LCP1: variants seen among roughly 807,000 people sequenced by gnomAD.
LCP1 encodes plastin-2.
Under a neutral mutation model 72.0 loss-of-function variants are expected in LCP1, and 23 were observed. That is an observed-to-expected ratio of 0.32 (90% confidence interval 0.23 to 0.45). The LOEUF (loss-of-function observed/expected upper bound fraction) is 0.45. LCP1 is among the 20% of genes least tolerant of loss of function. The pLI is 1.00. For synonymous variants in LCP1, 245 were observed against 275.4 expected (o/e 0.89, Z 1.09); for missense variants, 571 against 748.3 (o/e 0.76, Z 2.76).
At chr13:46,150,252 C>T (rs2045755834) in intron 8 of LCP1, among the ~76,000 whole-genome samples, 1 of 152,236 alleles carries the variant, frequency 6.6e-6, no homozygotes, top group African/African-American at 2.4e-5. Context: ...GGACCGCTTT[C>T]CATTCCTTTC....
intron 1 of LCP1, among the ~76,000 whole-genome samples, chr13:46,165,186 C>G (rs2045869365): frequency 6.6e-6 from 1 of 151,922 alleles, no homozygotes; most frequent in South Asian, 2.1e-4. Flanking sequence ...CCAGCCTGGG[C>G]AACATGGTGA....
chr13:46,160,875 TA>T (rs911686995), intron 1 of LCP1, among the ~76,000 whole-genome samples: 18 of 151,822 alleles, frequency 1.2e-4, no homozygotes, highest in Admixed American at 3.3e-4. Context: ...GTTATCGATT[TA>T]AAAAAAAATT....
At chr13:46,159,155 C>T in intron 2 of LCP1, 166 bp from the exon 3 acceptor site, 1 of 633,986 alleles carries the variant, frequency 1.6e-6, no homozygotes, top group Non-Finnish European at 2.8e-6. Flanking sequence ...ACTGTTGCTA[C>T]TGAATAGGGG....
At chr13:46,159,735 T>A in intron 1 of LCP1, 49 bp from the exon 2 acceptor site, 1 of 1,084,298 alleles carries the variant, frequency 9.2e-7, no homozygotes, top group Non-Finnish European at 1.4e-6. Context: ...TTTGAATTCT[T>A]AAAATACCAC....
intron 13 of LCP1, among the ~76,000 whole-genome samples, chr13:46,139,173 A>G (rs17067732): frequency 0.085 from 12,970 of 152,184 alleles, 1,106 homozygotes; most frequent in African/African-American, 0.22. Flanking sequence ...GGAGTTTTCA[A>G]TGATGTTCTG....
chr13:46,128,266 T>C (rs6561296), intron 15 of LCP1, among the ~76,000 whole-genome samples: 24,091 of 152,164 alleles, frequency 0.16, 2,306 homozygotes, highest in Non-Finnish European at 0.21. Context: ...TCAACTACAG[T>C]AACATTTTGA....
chr13:46,167,391 C>T (rs1382811721), intron 1 of LCP1, among the ~76,000 whole-genome samples: 7 of 152,132 alleles, frequency 4.6e-5, no homozygotes, highest in Non-Finnish European at 8.8e-5. Context: ...TCCCTTAGTA[C>T]ATTCCTGATA....
intron 10 of LCP1, 93 bp downstream of exon 10, chr13:46,146,815 T>C (rs1291755991): frequency 3.3e-6 from 4 of 1,229,788 alleles, no homozygotes; most frequent in African/African-American, 1.5e-5. Context: ...CACATGTAAA[T>C]AGTTTATATT....
intron 15 of LCP1, among the ~76,000 whole-genome samples, chr13:46,128,811 T>C (rs7325497): frequency 0.36 from 55,195 of 151,892 alleles, 10,930 homozygotes; most frequent in East Asian, 0.54. Flanking sequence ...TTAATTGTAA[T>C]TTATTTTCAA....
At chr13:46,143,738 A>G (rs1336894043) in intron 11 of LCP1, among the ~76,000 whole-genome samples, 15 of 152,254 alleles carry the variant, frequency 9.9e-5, no homozygotes, top group Non-Finnish European at 1.5e-5. Flanking sequence ...CCCTGTACCT[A>G]AAGGTTTACA....
Position 46,144,498 on chromosome 13 carries a change from T to C in LCP1, c.1197A>G (p.Thr399=). ...CCAGGGAGTTCATCCAGTTCCTAAA[T>C]GTCCGCTCTTCTCTCGTCTCACCTA... ...ALEGETREER[T]FRNWMNSLGV... Residue 399 remains threonine (T), a synonymous_variant, in exon 11 of 16, where the codon ACA becomes ACG. Coordinates refer to ENST00000323076, the MANE Select transcript of LCP1 (RefSeq NM_002298.5). 6.2e-7 allele frequency: 1 copy of C among 1,613,820 alleles called. No individual in the cohort carries two copies. The highest frequency in any genetic ancestry group is 8.5e-7 in the Non-Finnish European group (1 of 1,179,678).
At chr13:46,146,778 C>T in intron 10 of LCP1, 130 bp downstream of exon 10, 1 of 878,820 alleles carries the variant, frequency 1.1e-6, no homozygotes, top group Non-Finnish European at 1.9e-6. Flanking sequence ...CTCTTTGTTG[C>T]ATACCAGAGA....
At chr13:46,137,472 G>A (rs1417263686) in intron 13 of LCP1, among the ~76,000 whole-genome samples, 1 of 152,120 alleles carries the variant, frequency 6.6e-6, no homozygotes, top group African/African-American at 2.4e-5. Flanking sequence ...CCTGGCGGGT[G>A]GAGGTTGTGG....
intron 11 of LCP1, among the ~76,000 whole-genome samples, chr13:46,143,633 C>A (rs937013767): frequency 5.3e-5 from 8 of 152,170 alleles, no homozygotes; most frequent in Non-Finnish European, 8.8e-5. Context: ...ACATATGCTG[C>A]CTCAGGAAAA....
intron 10 of LCP1, among the ~76,000 whole-genome samples, chr13:46,145,188 A>G (rs1343638136): frequency 6.6e-6 from 1 of 152,212 alleles, no homozygotes; most frequent in Non-Finnish European, 1.5e-5. Context: ...ATTTTAGTTG[A>G]CAGACAACGG....
intron 8 of LCP1, 121 bp from the exon 9 acceptor site, chr13:46,148,568 C>CTTAA (rs10631906): frequency 0.51 from 341,655 of 666,030 alleles, 91,175 homozygotes; most frequent in African/African-American, 0.72. Flanking sequence ...CAGAATGTAA[C>CTTAA]TTAACAAAGC....
intron 15 of LCP1, among the ~76,000 whole-genome samples, chr13:46,128,022 T>C (rs1452887431): frequency 4.4e-5 from 2 of 45,522 alleles, no homozygotes; most frequent in African/African-American, 1.5e-4. Context: ...TTTTTTTTTG[T>C]AGAGACAGGG....
chr13:46,164,919 A>T (rs2045867981), intron 1 of LCP1, among the ~76,000 whole-genome samples: 1 of 152,246 alleles, frequency 6.6e-6, no homozygotes, highest in Admixed American at 6.5e-5. Flanking sequence ...GCAGAGCAGG[A>T]AAAGGATGGA....
At chr13:46,152,002 T>C (rs1339642554) in intron 7 of LCP1, among the ~76,000 whole-genome samples, 1 of 152,208 alleles carries the variant, frequency 6.6e-6, no homozygotes, top group Non-Finnish European at 1.5e-5. Flanking sequence ...CTAAATGGAA[T>C]TTTCTACGGT....
Sources: gnomAD v4.1 joint callset for allele counts (sites outside exome capture counted in the v4.1 genomes callset) on GRCh38, gnomAD v4.1.1 for gene constraint, MANE v1.5 for transcripts, NCBI Gene and HGNC (gene_info 2026-07-23, HGNC 2026-07-21) for gene names.